Variants in GRID1 observed in about 807,000 individuals in gnomAD.
GRID1 encodes the protein glutamate ionotropic receptor delta type subunit 1, also known as glutamate receptor ionotropic, delta-1.
In GRID1, 28 loss-of-function variants were observed where a neutral mutation model predicts 98.0. The ratio of observed to expected loss-of-function variants is 0.29; its 90% CI spans 0.21 to 0.39. GRID1 has a LOEUF of 0.39. Ranked by LOEUF, GRID1 falls within the 10% of genes least tolerant of loss-of-function variation. GRID1 has a pLI of 1.00. For missense variants in GRID1, 1,111 were observed against 1,340.5 expected, an observed-to-expected ratio of 0.83 and a Z score of 2.67; for synonymous variants, 553 against 538.5, an observed-to-expected ratio of 1.03 and a Z score of -0.37.
chr10:86,307,023 TC>T (rs1847767685), intron 2 of GRID1, among the ~76,000 whole-genome samples: 1 of 152,070 alleles, frequency 6.6e-6, no homozygotes, highest in African/African-American at 2.4e-5. Flanking sequence ...TTACCTTGTG[TC>T]CCCAGATGAT....
intron 2 of GRID1, among the ~76,000 whole-genome samples, chr10:86,246,567 T>A (rs1902681): frequency 6.6e-6 from 1 of 152,114 alleles, no homozygotes; most frequent in African/African-American, 2.4e-5. Context: ...CCATCTCCCC[T>A]TGCTGGCATT....
intron 5 of GRID1, among the ~76,000 whole-genome samples, chr10:85,895,194 T>C (rs1841273427): frequency 6.6e-6 from 1 of 151,556 alleles, no homozygotes; most frequent in Non-Finnish European, 1.5e-5. Context: ...CCTTTGAAAC[T>C]CCTGAGCCTG....
chr10:86,268,565 T>A (rs1049564401), intron 2 of GRID1, among the ~76,000 whole-genome samples: 5 of 152,148 alleles, frequency 3.3e-5, no homozygotes, highest in African/African-American at 1.2e-4. Flanking sequence ...AGCACAAGGG[T>A]CAGGGACTCG....
At chr10:85,703,955 T>C (rs1354714412) in intron 12 of GRID1, among the ~76,000 whole-genome samples, 1 of 152,146 alleles carries the variant, frequency 6.6e-6, no homozygotes, top group Non-Finnish European at 1.5e-5. Context: ...CATTTGCTTG[T>C]CTGTAAAGTA....
rs1160185245 is a variant in GRID1, at chr10:85,863,410, C to T, written c.951+5600G>A. Among the ~76,000 whole-genome samples, 5 of 152,084 alleles carry T rather than the reference C, an allele frequency of 3.3e-5. No individual in the cohort carries two copies. The East Asian group carries it at 9.7e-4, about 29-fold the overall frequency. On this transcript the variant is annotated intron_variant, in intron 6 of 15. Transcript: ENST00000327946. ...TACTGTCACCTTGGGGATTAGGTTT[C>T]GACATGGAAATTTTGGAGGGATACA...
intron 5 of GRID1, among the ~76,000 whole-genome samples, chr10:85,870,357 G>A (rs1843266157): frequency 1.3e-5 from 2 of 152,246 alleles, no homozygotes; most frequent in African/African-American, 4.8e-5. Context: ...GCCACAGGCT[G>A]AAGGCTGCAC....
chr10:85,823,146 T>C (rs11201811), intron 8 of GRID1, among the ~76,000 whole-genome samples: 49,693 of 151,784 alleles, frequency 0.33, 8,667 homozygotes, highest in African/African-American at 0.43. Flanking sequence ...ATGTAACAAA[T>C]CTGCACGTTG....
At chr10:86,273,722 T>A (rs906967411) in intron 2 of GRID1, among the ~76,000 whole-genome samples, 3 of 152,172 alleles carry the variant, frequency 2.0e-5, no homozygotes, top group African/African-American at 7.2e-5. Context: ...TTTTGAGAAG[T>A]GTCTGTTCAT....
At chr10:85,842,289 G>A (rs1302947542) in intron 8 of GRID1, among the ~76,000 whole-genome samples, 3 of 151,982 alleles carry the variant, frequency 2.0e-5, no homozygotes, top group Non-Finnish European at 4.4e-5. Context: ...TGGACACATA[G>A]ATGGAAACAC....
intron 8 of GRID1, among the ~76,000 whole-genome samples, chr10:85,841,258 T>C (rs1842958925): frequency 1.3e-5 from 2 of 152,150 alleles, no homozygotes; most frequent in South Asian, 4.1e-4. Context: ...CTTCAATAAA[T>C]GGTGCTGGAA....
At chr10:85,924,169 C>T (rs79074623) in intron 4 of GRID1, among the ~76,000 whole-genome samples, 10,654 of 152,252 alleles carry the variant, frequency 0.07, 621 homozygotes, top group African/African-American at 0.16. Flanking sequence ...GGAGCATAAA[C>T]AGAAACCTTA....
intron 4 of GRID1, among the ~76,000 whole-genome samples, chr10:86,080,783 C>G (rs540296105): frequency 9.9e-5 from 15 of 152,122 alleles, no homozygotes; most frequent in Admixed American, 2.0e-4. Context: ...TCCACACAGA[C>G]GACTGGAGCT....
At chr10:86,295,636 T>TATGAC in intron 2 of GRID1, among the ~76,000 whole-genome samples, 1 of 152,250 alleles carries the variant, frequency 6.6e-6, no homozygotes, top group Middle Eastern at 3.4e-3. Context: ...AGAAACGCGA[T>TATGAC]ATGACGGCCA....
At chr10:86,357,956 T>A (rs1406437752) in intron 2 of GRID1, among the ~76,000 whole-genome samples, 1 of 151,002 alleles carries the variant, frequency 6.6e-6, no homozygotes, top group Non-Finnish European at 1.5e-5. Context: ...GACGGTGAGG[T>A]TCTGAAGAAC....
intron 12 of GRID1, among the ~76,000 whole-genome samples, chr10:85,652,518 C>T (rs1021729450): frequency 3.3e-5 from 5 of 152,224 alleles, no homozygotes; most frequent in South Asian, 4.2e-4. Context: ...TCAAAAGACA[C>T]GGGAGGGTGG....
chr10:86,052,785 TA>T (rs1843520063), intron 4 of GRID1, among the ~76,000 whole-genome samples: 1 of 152,228 alleles, frequency 6.6e-6, no homozygotes, highest in Non-Finnish European at 1.5e-5. Context: ...GAATAAGGCA[TA>T]CAATTATACA....
At chr10:86,017,933 C>A (rs1842999751) in intron 4 of GRID1, among the ~76,000 whole-genome samples, 1 of 152,188 alleles carries the variant, frequency 6.6e-6, no homozygotes, top group Non-Finnish European at 1.5e-5. Flanking sequence ...CATCTCTGAG[C>A]CCAACAGACC....
chr10:85,861,563 TA>T (rs1843164364), intron 6 of GRID1, among the ~76,000 whole-genome samples: 1 of 152,172 alleles, frequency 6.6e-6, no homozygotes, highest in South Asian at 2.1e-4. Context: ...GGAAGCTTTA[TA>T]ATACCCTGAC....
intron 3 of GRID1, among the ~76,000 whole-genome samples, chr10:86,151,073 A>G (rs1845162027): frequency 6.6e-6 from 1 of 152,186 alleles, no homozygotes; most frequent in Non-Finnish European, 1.5e-5. Context: ...TTTAGTCCCC[A>G]TGACACCCTC....
Sources: gnomAD v4.1 joint callset for allele counts (sites outside exome capture counted in the v4.1 genomes callset) on GRCh38, gnomAD v4.1.1 for gene constraint, MANE v1.5 for transcripts, NCBI Gene and HGNC (gene_info 2026-07-23, HGNC 2026-07-21) for gene names.